The following EXOC6B variants were observed in gnomAD, a reference collection of about 807,000 sequenced individuals.
EXOC6B encodes SEC15 homolog B.
EXOC6B carries 54 observed loss-of-function variants against 113.5 expected under a neutral mutation model. That is an observed-to-expected ratio of 0.48 (90% CI 0.38 to 0.60). The LOEUF (loss-of-function observed/expected upper bound fraction) is 0.60, where lower values mean the gene tolerates loss of function less well. EXOC6B is among the 20% of genes least tolerant of loss of function. The pLI is 0.00. For synonymous variants in EXOC6B, 357 were observed against 339.0 expected, an observed-to-expected ratio of 1.05 and a Z score of -0.58; for missense variants, 797 against 977.5, an observed-to-expected ratio of 0.82 and a Z score of 2.46.
chr2:72,471,818 A>G (rs1037561443), intron 17 of EXOC6B, among the ~76,000 whole-genome samples: 6 of 152,194 alleles, frequency 3.9e-5, no homozygotes, highest in African/African-American at 1.4e-4. Flanking sequence ...AAGGAAAGGC[A>G]GTCAACCTTT....
intron 6 of EXOC6B, among the ~76,000 whole-genome samples, chr2:72,695,536 A>G (rs1573637497): frequency 6.6e-6 from 1 of 152,116 alleles, no homozygotes; most frequent in Non-Finnish European, 1.5e-5. Flanking sequence ...TTTCAAAAAA[A>G]GAAAAATTAT....
At chr2:72,714,009 T>C (rs1220863568) in intron 6 of EXOC6B, among the ~76,000 whole-genome samples, 2 of 152,138 alleles carry the variant, frequency 1.3e-5, no homozygotes, top group African/African-American at 2.4e-5. Flanking sequence ...CTAAAAAACC[T>C]CCAGGCATTA....
intron 20 of EXOC6B, among the ~76,000 whole-genome samples, chr2:72,260,454 C>G (rs1051303010): frequency 6.6e-6 from 1 of 152,210 alleles, no homozygotes; most frequent in Non-Finnish European, 1.5e-5. Flanking sequence ...TTAGCAAAAC[C>G]TCTGTGAAGT....
At chr2:72,776,963 G>A (rs543016269) in intron 1 of EXOC6B, among the ~76,000 whole-genome samples, 13 of 152,142 alleles carry the variant, frequency 8.5e-5, no homozygotes, top group African/African-American at 9.6e-5. Flanking sequence ...AAGACAGGCC[G>A]GGAGCAGTGG....
chr2:72,396,315 A>G (rs529910574), intron 18 of EXOC6B, among the ~76,000 whole-genome samples: 1 of 152,292 alleles, frequency 6.6e-6, no homozygotes, highest in Admixed American at 6.5e-5. Flanking sequence ...CAATTAGAGA[A>G]GAGGAAACCT....
chr2:72,438,452 T>C (rs564572853), intron 18 of EXOC6B, among the ~76,000 whole-genome samples: 1 of 151,978 alleles, frequency 6.6e-6, no homozygotes, highest in East Asian at 1.9e-4. Context: ...CTACAGAAAA[T>C]TTAAAAATTA....
At chr2:72,394,511 T>C (rs1180790336) in intron 18 of EXOC6B, among the ~76,000 whole-genome samples, 1 of 152,110 alleles carries the variant, frequency 6.6e-6, no homozygotes, top group Non-Finnish European at 1.5e-5. Context: ...GGAGGTAATA[T>C]AAAGTATCCT....
At chr2:72,390,967 C>A (rs573030460) in intron 18 of EXOC6B, among the ~76,000 whole-genome samples, 89 of 152,338 alleles carry the variant, frequency 5.8e-4, no homozygotes, top group African/African-American at 2.1e-3. Flanking sequence ...TCCCAAAACT[C>A]TTTTTCATTT....
intron 6 of EXOC6B, among the ~76,000 whole-genome samples, chr2:72,583,761 C>T (rs1009454116): frequency 1.3e-5 from 2 of 151,972 alleles, no homozygotes; most frequent in African/African-American, 4.8e-5. Flanking sequence ...TACTCTGTCA[C>T]CCAGGCTGGA....
intron 11 of EXOC6B, among the ~76,000 whole-genome samples, chr2:72,507,879 G>A (rs559970983): frequency 5.8e-4 from 88 of 151,246 alleles, no homozygotes; most frequent in African/African-American, 2.0e-3. Context: ...AAGAGAGGGT[G>A]CATTTTTGTA....
intron 7 of EXOC6B, among the ~76,000 whole-genome samples, chr2:72,566,243 G>A (rs1286625066): frequency 6.6e-6 from 1 of 151,988 alleles, no homozygotes; most frequent in Non-Finnish European, 1.5e-5. Context: ...CTAGAGTTTT[G>A]ACTTTTTAGG....
intron 18 of EXOC6B, among the ~76,000 whole-genome samples, chr2:72,439,286 C>T (rs909530134): frequency 6.6e-6 from 1 of 152,106 alleles, no homozygotes; most frequent in Admixed American, 6.6e-5. Context: ...CCCTGTCTAT[C>T]GAGGTGGGGA....
chr2:72,178,529 G>A lies in EXOC6B; in HGVS notation c.*806C>T, dbSNP rs1413773115. ...CTCTGACTGTAAGTGAAGGAAATGA[G>A]ATGAACAGGGAAGGGATTGGGTCTC... On this transcript the variant is annotated 3_prime_UTR_variant, in exon 22 of 22. Coordinates refer to ENST00000272427, the MANE Select transcript of EXOC6B (RefSeq NM_015189.3). 6.6e-6 allele frequency: 1 copy of A among 152,210 alleles called. No homozygotes were observed. The highest frequency in any genetic ancestry group is 1.9e-4 in the East Asian group (1 of 5,200). 9.4% of individuals were successfully genotyped at this position (152,210 alleles called of 1,614,324 possible).
At chr2:72,777,611 A>T (rs1683783723) in intron 1 of EXOC6B, among the ~76,000 whole-genome samples, 2 of 152,226 alleles carry the variant, frequency 1.3e-5, no homozygotes, top group South Asian at 4.1e-4. Flanking sequence ...CTAAATGGTA[A>T]CTCAAATCTA....
intron 6 of EXOC6B, among the ~76,000 whole-genome samples, chr2:72,651,946 C>A (rs1215636699): frequency 2.0e-5 from 3 of 152,128 alleles, no homozygotes; most frequent in Admixed American, 6.5e-5. Flanking sequence ...ATATATGACA[C>A]AATGATACAC....
At chr2:72,509,910 T>A (rs1700803987) in intron 11 of EXOC6B, among the ~76,000 whole-genome samples, 1 of 152,220 alleles carries the variant, frequency 6.6e-6, no homozygotes, top group African/African-American at 2.4e-5. Flanking sequence ...CTCAGCTCAC[T>A]GCAGCCTCTG....
Position 72,403,438 on chromosome 2 carries a change from G to C in EXOC6B, c.1981-23568C>G, listed in dbSNP as rs1440928202. On this transcript the variant is annotated intron_variant, in intron 18 of 21. Coordinates refer to ENST00000272427, the MANE Select transcript of EXOC6B (RefSeq NM_015189.3). ...GTGGTGGCTCATACCTATAATCACA[G>C]TGCTTTGGCAGGCCAAGGTGGTAGG... Among the ~76,000 whole-genome samples the C allele has an allele frequency of 2.0e-5, 3 of 152,130 alleles. No individual in the cohort carries two copies. In the East Asian group the frequency reaches 5.8e-4, roughly 29 times the overall value.
intron 1 of EXOC6B, among the ~76,000 whole-genome samples, chr2:72,769,107 T>C (rs552041052): frequency 6.6e-6 from 1 of 152,048 alleles, no homozygotes; most frequent in Admixed American, 6.6e-5. Flanking sequence ...AATGGTAAAG[T>C]ATATGTTATG....
intron 18 of EXOC6B, among the ~76,000 whole-genome samples, chr2:72,423,172 C>T (rs1317784681): frequency 2.0e-5 from 3 of 151,856 alleles, no homozygotes; most frequent in Non-Finnish European, 4.4e-5. Context: ...TCCAGACGCA[C>T]TGCCTTAAGA....
Sources: gnomAD v4.1 joint callset for allele counts (sites outside exome capture counted in the v4.1 genomes callset) on GRCh38, gnomAD v4.1.1 for gene constraint, MANE v1.5 for transcripts, NCBI Gene and HGNC (gene_info 2026-07-23, HGNC 2026-07-21) for gene names.